The following ZNF536 variants were observed in gnomAD, a reference collection of about 807,000 sequenced individuals.
The protein encoded by ZNF536 is zinc finger protein 536.
A neutral mutation model predicts 84.5 loss-of-function variants in ZNF536; 13 were observed. That is an observed-to-expected ratio of 0.15 (90% CI 0.10 to 0.24). ZNF536 has a LOEUF of 0.24. Among genes scored for constraint, ZNF536 ranks in the 10% least tolerant of loss-of-function variants. ZNF536 has a pLI of 1.00. For missense variants in ZNF536, 1,536 were observed against 1,747.5 expected, an observed-to-expected ratio of 0.88 and a Z score of 2.16; for synonymous variants, 811 against 742.5, an observed-to-expected ratio of 1.09 and a Z score of -1.50.
chr19:30,331,552 A>G lies in ZNF536; in HGVS notation c.-119-20816A>G, dbSNP rs146714491. ...CCGAGTTTCTGCAGGTCTGTTGGCCAGTGACATTGACCAAGAATGTCAAGG... is the reference window on the plus strand; with the variant it reads ...CCGAGTTTCTGCAGGTCTGTTGGCCGGTGACATTGACCAAGAATGTCAAGG... On this transcript the variant is annotated intron_variant, in intron 2 of 5. Coordinates refer to the ZNF536 transcript ENST00000585628. Among the ~76,000 whole-genome samples the G allele has an allele frequency of 1.8e-4, 27 of 152,218 alleles. No individual in the cohort carries two copies. The East Asian group carries it at 5.0e-3, about 28-fold the overall frequency.
Position 30,627,468 on chromosome 19 carries a change from C to CAAAAAAAAAAAAAAA in ZNF536, c.169+77975_169+77989dup, listed in dbSNP as rs569312789. Among the ~76,000 whole-genome samples the CAAAAAAAAAAAAAAA allele has an allele frequency of 1.2e-4, 6 of 52,050 alleles. 1 individual carries two copies. The highest frequency in any genetic ancestry group is 5.6e-4 in the African/African-American group (6 of 10,648). The allele number at this position is 52,050 out of a possible 152,430, so 34.1% of individuals were successfully genotyped here. On this transcript the variant is annotated intron_variant, in intron 1 of 1. Coordinates refer to the ZNF536 transcript ENST00000592773. ...CCTGGGTGACAGACCAAGGCCCTGT[C>CAAAAAAAAAAAAAAA]AAAAAAAAAAAAAAAAAAAAAAAAA...
intron 2 of ZNF536, among the ~76,000 whole-genome samples, chr19:30,498,454 G>T (rs548699016): frequency 1.3e-5 from 2 of 152,170 alleles, no homozygotes; most frequent in South Asian, 2.1e-4. Flanking sequence ...GGGGTGGGGG[G>T]ACGGAGAGCA....
intron 1 of ZNF536, among the ~76,000 whole-genome samples, chr19:30,605,103 A>C (rs1314865102): frequency 6.6e-6 from 1 of 152,206 alleles, no homozygotes; most frequent in Non-Finnish European, 1.5e-5. Context: ...CCGCTGGAGG[A>C]ACTCATTCTA....
At chr19:30,338,422 A>G (rs1036683771) in intron 2 of ZNF536, among the ~76,000 whole-genome samples, 1 of 151,624 alleles carries the variant, frequency 6.6e-6, no homozygotes, top group Admixed American at 6.6e-5. Flanking sequence ...GATGATGAAG[A>G]TGATTTGATG....
At chr19:30,558,300 G>A (rs548181402), downstream of ZNF536, among the ~76,000 whole-genome samples, 3 of 152,208 alleles carry the variant, frequency 2.0e-5, no homozygotes, top group African/African-American at 4.8e-5. Flanking sequence ...ACTGTGGGGG[G>A]TGGGGGAGAG....
At chr19:30,520,429 A>G (rs759366725) in intron 2 of ZNF536, among the ~76,000 whole-genome samples, 5 of 152,198 alleles carry the variant, frequency 3.3e-5, no homozygotes, top group Non-Finnish European at 5.9e-5. Context: ...CTGAGCTTCT[A>G]CCTGCTGTCT....
intron 1 of ZNF536, among the ~76,000 whole-genome samples, chr19:30,609,046 G>A (rs915365398): frequency 2.0e-5 from 3 of 152,200 alleles, no homozygotes; most frequent in Admixed American, 6.5e-5. Flanking sequence ...ACTGCTTGCT[G>A]AATTCGATGG....
intron 2 of ZNF536, among the ~76,000 whole-genome samples, chr19:30,487,450 A>G (rs753648720): frequency 6.6e-5 from 10 of 152,136 alleles, no homozygotes; most frequent in Non-Finnish European, 1.5e-4. Context: ...CAGTAAAGCA[A>G]TGGGAGGGAG....
chr19:30,337,439 C>T lies in ZNF536; in HGVS notation c.-119-14929C>T, dbSNP rs192126760. Among the ~76,000 whole-genome samples the T allele has an allele frequency of 2.6e-3, 400 of 152,294 alleles. 1 individual carries two copies. Among genetic ancestry groups the T allele is most frequent in the African/African-American group, 9.3e-3 (385 of 41,564 alleles). On this transcript the variant is annotated intron_variant, in intron 2 of 5. Transcript: ENST00000585628. ...CCCTTTGCCGAACTTAGGATAAACC[C>T]TCATTATAATCGAGATTAGCCTTAG...
intron 2 of ZNF536, among the ~76,000 whole-genome samples, chr19:30,493,710 G>A (rs2054601926): frequency 6.6e-6 from 1 of 151,354 alleles, no homozygotes; most frequent in African/African-American, 2.4e-5. Flanking sequence ...GAGTGCTTTG[G>A]GGAAAAAAAT....
upstream of ZNF536, among the ~76,000 whole-genome samples, chr19:30,369,795 A>C (rs930679890): frequency 4.5e-4 from 68 of 152,324 alleles, no homozygotes; most frequent in African/African-American, 1.6e-3. Flanking sequence ...CAATCAGAAT[A>C]AAGTGTTTCC....
intron 1 of ZNF536, among the ~76,000 whole-genome samples, chr19:30,635,322 C>T (rs2049028809): frequency 6.6e-6 from 1 of 152,208 alleles, no homozygotes; most frequent in African/African-American, 2.4e-5. Flanking sequence ...GATGACAGTC[C>T]AATTCTGCTC....
chr19:30,436,374 C>A, intron 1 of ZNF536: 1 of 406,020 alleles, frequency 2.5e-6, no homozygotes, highest in Non-Finnish European at 3.3e-6. Context: ...TATTAATCAT[C>A]TGGCAAATAA....
At chr19:30,423,804 G>A (rs1040264446) in intron 1 of ZNF536, among the ~76,000 whole-genome samples, 3 of 152,154 alleles carry the variant, frequency 2.0e-5, no homozygotes, top group Admixed American at 6.5e-5. Flanking sequence ...GGCGGGGAAC[G>A]GGGGCCTGGG....
chr19:30,355,158 G>A (rs188072923), intron 3 of ZNF536, among the ~76,000 whole-genome samples: 1 of 152,220 alleles, frequency 6.6e-6, no homozygotes, highest in Non-Finnish European at 1.5e-5. Context: ...CATCTGCTCA[G>A]CTTCTGCAAC....
At chr19:30,264,453 GTGT>G (rs1288191724) in intron 1 of ZNF536, among the ~76,000 whole-genome samples, 13 of 147,486 alleles carry the variant, frequency 8.8e-5, no homozygotes, top group Admixed American at 6.3e-4. Flanking sequence ...GCATGTGTGT[GTGT>G]TATTGTTCAG....
At chr19:30,611,641 T>C (rs1333656111) in intron 1 of ZNF536, among the ~76,000 whole-genome samples, 3 of 152,148 alleles carry the variant, frequency 2.0e-5, no homozygotes. Flanking sequence ...AGGGAAGGTT[T>C]AGCTTTAGGG....
intron 1 of ZNF536, among the ~76,000 whole-genome samples, chr19:30,678,680 A>G (rs1035436507): frequency 2.6e-5 from 4 of 151,990 alleles, no homozygotes; most frequent in South Asian, 4.1e-4. Context: ...AAATCAGACT[A>G]TGTCTGGAGC....
At chr19:30,301,265 C>T (rs534410022) in intron 2 of ZNF536, among the ~76,000 whole-genome samples, 1 of 152,076 alleles carries the variant, frequency 6.6e-6, no homozygotes, top group Non-Finnish European at 1.5e-5. Flanking sequence ...ACAGAAATAA[C>T]CTCTTCACAT....
Sources: gnomAD v4.1 joint callset for allele counts (sites outside exome capture counted in the v4.1 genomes callset) on GRCh38, gnomAD v4.1.1 for gene constraint, MANE v1.5 for transcripts, NCBI Gene and HGNC (gene_info 2026-07-23, HGNC 2026-07-21) for gene names.